Variants in SIPA1L1 observed in about 807,000 individuals in gnomAD.
The protein encoded by SIPA1L1 is signal-induced proliferation-associated 1-like protein 1.
Under a neutral mutation model 162.7 loss-of-function variants are expected in SIPA1L1, and 26 were observed. The ratio of observed to expected loss-of-function variants is 0.16; its 90% CI spans 0.12 to 0.22. SIPA1L1 has a LOEUF of 0.22. Ranked by LOEUF, SIPA1L1 falls within the 10% of genes least tolerant of loss-of-function variation. SIPA1L1 has a pLI of 1.00. For synonymous variants in SIPA1L1, 829 were observed against 837.4 expected (o/e 0.99, Z 0.17); for missense variants, 1,874 against 2,241.0 (o/e 0.84, Z 3.31).
chr14:71,664,979 AAGG>A (rs1343126630), intron 10 of SIPA1L1, among the ~76,000 whole-genome samples: 4 of 152,186 alleles, frequency 2.6e-5, no homozygotes, highest in Admixed American at 6.5e-5. Context: ...TAGAAATGGG[AAGG>A]AGGATGGAAA....
chr14:71,735,909 A>G (rs1019509444), intron 22 of SIPA1L1, among the ~76,000 whole-genome samples: 1 of 152,192 alleles, frequency 6.6e-6, no homozygotes. Flanking sequence ...CTCAGTCAGG[A>G]GCAGGGACTT....
At chr14:71,691,692 C>T (rs1032180029) in intron 13 of SIPA1L1, among the ~76,000 whole-genome samples, 2 of 152,160 alleles carry the variant, frequency 1.3e-5, no homozygotes, top group African/African-American at 2.4e-5. Flanking sequence ...CCTCTGCAAG[C>T]ACTATGTTCC....
At chr14:71,624,280 T>A in intron 7 of SIPA1L1, 44 bp downstream of exon 7, 1 of 1,514,510 alleles carries the variant, frequency 6.6e-7, no homozygotes, top group Non-Finnish European at 9.0e-7. Context: ...TCAGGTTTAT[T>A]GCTAGGCTTC....
intron 3 of SIPA1L1, among the ~76,000 whole-genome samples, chr14:71,523,351 C>T (rs1013335925): frequency 6.6e-6 from 1 of 150,650 alleles, no homozygotes; most frequent in Non-Finnish European, 1.5e-5. Flanking sequence ...CCATATTTTT[C>T]TTTTTTTCGC....
At position 71,568,404 on chromosome 14, in the gene SIPA1L1, G is replaced by A. The variant is rs1265338225; in HGVS notation, c.-302-19167G>A. Among the ~76,000 whole-genome samples the A allele has an allele frequency of 2.0e-5, 3 of 152,192 alleles. No individual in the cohort carries two copies. The East Asian group carries it at 5.8e-4, about 29-fold the overall frequency. ...GGGAATAGAGGAGCTCAGTCAGAAAGCATCAGTATGGTGAGGGCCATTCAC... is the reference window on the plus strand; with the variant it reads ...GGGAATAGAGGAGCTCAGTCAGAAAACATCAGTATGGTGAGGGCCATTCAC... On this transcript the variant is annotated intron_variant, in intron 4 of 23. Coordinates refer to ENST00000381232, the MANE Select transcript of SIPA1L1 (RefSeq NM_001386936.1).
intron 2 of SIPA1L1, among the ~76,000 whole-genome samples, chr14:71,461,828 C>T (rs953927657): frequency 2.6e-5 from 4 of 152,168 alleles, no homozygotes; most frequent in African/African-American, 9.7e-5. Context: ...TGGGTGGTGC[C>T]TGCATATCGT....
chr14:71,501,452 G>A (rs2050208650), intron 2 of SIPA1L1, among the ~76,000 whole-genome samples: 1 of 152,146 alleles, frequency 6.6e-6, no homozygotes, highest in African/African-American at 2.4e-5. Context: ...ACATAAGAAA[G>A]TGTACATATT....
At position 71,685,505 on chromosome 14, in the gene SIPA1L1, C is replaced by G. The variant is rs2046210499; in HGVS notation, c.3248C>G (p.Ser1083Cys). The change falls in exon 13 of 24, where the codon TCC becomes TGC. Residue 1083 changes from serine (S) to cysteine (C), a missense_variant. Physicochemically the swap from Ser to Cys is moderately radical, Grantham distance 112. This residue lies in a region of SIPA1L1 where 936 missense variants were observed against 1,051.9 expected (regional missense o/e 0.89). Transcript: ENST00000381232. Reference sequence around the variant, plus strand: ...GGGCCTCATTCACCTCAAGTCCCGTCCCAGGTGCAGAGTCCCATGACCTCG... The same window carrying G: ...GGGCCTCATTCACCTCAAGTCCCGTGCCAGGTGCAGAGTCCCATGACCTCG... ...SKGPHSPQVP[S>C]QVQSPMTSRL... The G allele has an allele frequency of 1.5e-5, 24 of 1,614,216 alleles. No individual in the cohort carries two copies. The highest frequency in any genetic ancestry group is 2.0e-5 in the Non-Finnish European group (24 of 1,180,052).
chr14:71,391,108 T>A (rs1216176996), intron 2 of SIPA1L1, among the ~76,000 whole-genome samples: 3 of 144,548 alleles, frequency 2.1e-5, no homozygotes, highest in African/African-American at 5.2e-5. Context: ...AGTATCTTTT[T>A]TTTTTTTTTT....
intron 13 of SIPA1L1, among the ~76,000 whole-genome samples, chr14:71,697,604 A>C (rs1297690392): frequency 6.6e-6 from 1 of 152,356 alleles, no homozygotes; most frequent in Middle Eastern, 3.4e-3. Flanking sequence ...TTGCTGGTGA[A>C]AGGTGTCCAG....
At chr14:71,676,467 C>CTTT (rs201499028) in intron 12 of SIPA1L1, among the ~76,000 whole-genome samples, 3 of 138,138 alleles carry the variant, frequency 2.2e-5, no homozygotes, top group African/African-American at 8.0e-5. Flanking sequence ...AGGCATTTTC[C>CTTT]TTTTTTTTTT....
At chr14:71,510,952 C>T (rs1360914444) in intron 2 of SIPA1L1, among the ~76,000 whole-genome samples, 1 of 152,090 alleles carries the variant, frequency 6.6e-6, no homozygotes, top group Non-Finnish European at 1.5e-5. Context: ...ACTAATGTTA[C>T]CCTGTCTTTC....
Position 71,709,626 on chromosome 14 carries a change from C to G in SIPA1L1, c.4170C>G (p.Asn1390Lys). The G allele has an allele frequency of 6.2e-7, 1 of 1,614,112 alleles. No homozygotes were observed. Among genetic ancestry groups the G allele is most frequent in the Non-Finnish European group, 8.5e-7 (1 of 1,179,974 alleles). Residue 1390 changes from asparagine to lysine, a missense_variant, in exon 17 of 24, where the codon AAC becomes AAG. Asn to Lys is a moderately conservative substitution (Grantham distance 94). Around this residue, in one of 5 missense-constraint regions of SIPA1L1, gnomAD observed 936 missense variants for 1,051.9 expected, o/e 0.89. Transcript: ENST00000381232. Reference sequence around the variant, plus strand: ...GCTCGACCCCTCTGACAAGGGAGAACAGCACCTTCAGTATAAACGATGCTG... The same window carrying G: ...GCTCGACCCCTCTGACAAGGGAGAAGAGCACCTTCAGTATAAACGATGCTG... ...QAGSTPLTRENSTFSINDAAS... is the reference protein window; with the variant it reads ...QAGSTPLTREKSTFSINDAAS...
intron 2 of SIPA1L1, among the ~76,000 whole-genome samples, chr14:71,359,472 G>A (rs2037590404): frequency 6.6e-6 from 1 of 152,144 alleles, no homozygotes; most frequent in Non-Finnish European, 1.5e-5. Flanking sequence ...TATTTATGGT[G>A]TGTCATCTTC....
chr14:71,531,968 AAT>A (rs1361527087), intron 4 of SIPA1L1, among the ~76,000 whole-genome samples: 1 of 152,140 alleles, frequency 6.6e-6, no homozygotes, highest in Non-Finnish European at 1.5e-5. Flanking sequence ...TTGAGAACCT[AAT>A]TACTGATAAA....
intron 17 of SIPA1L1, among the ~76,000 whole-genome samples, chr14:71,720,559 TA>T (rs534355780): frequency 6.3e-4 from 93 of 148,286 alleles, no homozygotes; most frequent in African/African-American, 2.2e-3. Flanking sequence ...GGAGACTGTC[TA>T]AAAAAAAAAG....
chr14:71,400,258 T>C (rs1251796333), intron 2 of SIPA1L1, among the ~76,000 whole-genome samples: 1 of 152,172 alleles, frequency 6.6e-6, no homozygotes, highest in Non-Finnish European at 1.5e-5. Flanking sequence ...GAACCTGTGC[T>C]TTTCTCTGGG....
chr14:71,639,906 GT>G (rs975414202), intron 7 of SIPA1L1, among the ~76,000 whole-genome samples: 3 of 92,858 alleles, frequency 3.2e-5, no homozygotes, highest in African/African-American at 5.4e-5. Context: ...GGGTTTTTTT[GT>G]TTTTTTGTTT....
chr14:71,457,154 G>A (rs897498844), intron 2 of SIPA1L1, among the ~76,000 whole-genome samples: 4 of 152,036 alleles, frequency 2.6e-5, no homozygotes, highest in African/African-American at 9.7e-5. Flanking sequence ...TTTATTTCCT[G>A]CCTTCTTCAA....
Sources: gnomAD v4.1 joint callset for allele counts (sites outside exome capture counted in the v4.1 genomes callset) on GRCh38, gnomAD v4.1.1 for gene constraint, gnomAD v4.1.1 regional missense constraint, MANE v1.5 for transcripts, NCBI Gene and HGNC (gene_info 2026-07-23, HGNC 2026-07-21) for gene names.